The following LUZP2 variants were observed in gnomAD, a reference collection of about 807,000 sequenced individuals.
LUZP2 encodes the protein leucine zipper protein 2.
In LUZP2, 52 loss-of-function variants were observed where a neutral mutation model predicts 51.6. The observed-to-expected ratio is 1.01, with a 90% CI of 0.81 to 1.27. The LOEUF (loss-of-function observed/expected upper bound fraction) is 1.27. LUZP2 is among the 50% of genes most tolerant of loss of function. The pLI is 0.00. For missense variants in LUZP2, 436 were observed against 395.4 expected, an observed-to-expected ratio of 1.10 and a Z score of -0.87; for synonymous variants, 154 against 137.3, an observed-to-expected ratio of 1.12 and a Z score of -0.85.
rs1210559875 is a variant in LUZP2, at chr11:24,854,670, A to G, written c.397-51321A>G. ...ATTCCAGGCATCACTGGGATATGAA[A>G]AAAAAAAAAAAAAAAACTCCTGCAG... is the stretch of plus-strand genomic sequence containing the variant. On this transcript the variant is annotated intron_variant, in intron 5 of 11. Transcript: ENST00000336930. 9.1e-4 allele frequency among the ~76,000 whole-genome samples: 22 copies of G among 24,306 alleles called. No homozygotes were observed. In the South Asian group the frequency reaches 0.04, roughly 44 times the overall value. 15.9% of individuals were successfully genotyped at this position (24,306 alleles called of 152,430 possible). A position where few individuals can be genotyped will look rare whatever the true frequency, so the allele number is the denominator to read the frequency against.
chr11:24,819,168 T>G (rs1590587789), intron 5 of LUZP2, among the ~76,000 whole-genome samples: 1 of 151,976 alleles, frequency 6.6e-6, no homozygotes, highest in South Asian at 2.1e-4. Context: ...TAATGGGAAG[T>G]GAAAGAAAGT....
intron 1 of LUZP2, among the ~76,000 whole-genome samples, chr11:24,525,183 G>A (rs1478642426): frequency 6.6e-6 from 1 of 151,470 alleles, no homozygotes. Flanking sequence ...TGCTCAGTCT[G>A]AAACACTCAT....
intron 5 of LUZP2, chr11:24,890,860 C>CT (rs1230685268): frequency 1.1e-6 from 1 of 927,030 alleles, no homozygotes; most frequent in African/African-American, 1.9e-5. Context: ...AAATATAAAG[C>CT]ATTTTAGGGC....
At chr11:24,992,974 A>T (rs1856392975) in intron 9 of LUZP2, among the ~76,000 whole-genome samples, 1 of 152,178 alleles carries the variant, frequency 6.6e-6, no homozygotes, top group Non-Finnish European at 1.5e-5. Context: ...AAGATTCAAA[A>T]TATACAATTA....
chr11:24,957,784 A>C (rs1855252788), intron 7 of LUZP2, among the ~76,000 whole-genome samples: 1 of 152,108 alleles, frequency 6.6e-6, no homozygotes, highest in Non-Finnish European at 1.5e-5. Context: ...TTTAAGTTTT[A>C]GGGTACATGT....
intron 7 of LUZP2, among the ~76,000 whole-genome samples, chr11:24,961,786 C>G (rs1424411808): frequency 6.7e-6 from 1 of 150,100 alleles, no homozygotes; most frequent in Admixed American, 6.6e-5. Flanking sequence ...TTGATCCTGT[C>G]ATTATGATGT....
At position 24,922,005 on chromosome 11, in the gene LUZP2, G is replaced by T. The variant is rs549378419; in HGVS notation, c.522+7467G>T. ...ATTTGTGGCCACTAACATGTTACCTGTAAAGCATTTTTACTAGCAGAGTGA... is the reference window on the plus strand; with the variant it reads ...ATTTGTGGCCACTAACATGTTACCTTTAAAGCATTTTTACTAGCAGAGTGA... On this transcript the variant is annotated intron_variant, in intron 7 of 11. Transcript: ENST00000336930. Among the ~76,000 whole-genome samples, 18 of 152,082 alleles carry T rather than the reference G, an allele frequency of 1.2e-4. 1 individual carries two copies. The highest frequency in any genetic ancestry group is 1.8e-4 in the Non-Finnish European group (12 of 68,012).
intron 9 of LUZP2, among the ~76,000 whole-genome samples, chr11:25,027,820 A>G (rs1433729691): frequency 6.6e-6 from 1 of 151,166 alleles, no homozygotes; most frequent in Admixed American, 6.6e-5. Context: ...CAGTGAGCTG[A>G]GATCACGCCA....
At chr11:24,658,969 G>A (rs1217018377) in intron 1 of LUZP2, among the ~76,000 whole-genome samples, 5 of 152,160 alleles carry the variant, frequency 3.3e-5, no homozygotes, top group African/African-American at 1.2e-4. Flanking sequence ...TTATACTGTT[G>A]GTGGGACTGT....
intron 1 of LUZP2, among the ~76,000 whole-genome samples, chr11:24,634,160 G>T (rs903113180): frequency 2.6e-5 from 4 of 151,876 alleles, no homozygotes; most frequent in Non-Finnish European, 4.4e-5. Flanking sequence ...ATTTTTGTGA[G>T]AATTATATGA....
At chr11:24,592,836 T>G (rs1291401636) in intron 1 of LUZP2, among the ~76,000 whole-genome samples, 1 of 152,130 alleles carries the variant, frequency 6.6e-6, no homozygotes, top group South Asian at 2.1e-4. Context: ...ATCACAGGGA[T>G]AGGCAATGAA....
At chr11:24,646,914 A>C (rs2133955120) in intron 1 of LUZP2, among the ~76,000 whole-genome samples, 1 of 152,130 alleles carries the variant, frequency 6.6e-6, no homozygotes, top group Non-Finnish European at 1.5e-5. Context: ...GTTATAATAT[A>C]TAATTTATTG....
At chr11:25,030,126 C>T (rs369886143) in intron 9 of LUZP2, among the ~76,000 whole-genome samples, 16 of 152,176 alleles carry the variant, frequency 1.1e-4, no homozygotes, top group African/African-American at 3.6e-4. Flanking sequence ...TATTTGTGTG[C>T]ATTTTCTCCC....
chr11:24,762,541 T>C (rs1034623355), intron 4 of LUZP2, among the ~76,000 whole-genome samples: 2 of 152,200 alleles, frequency 1.3e-5, no homozygotes, highest in African/African-American at 4.8e-5. Flanking sequence ...TTTCATCCAC[T>C]GTCATAGTTA....
At chr11:24,721,365 C>G (rs538030542) in intron 1 of LUZP2, among the ~76,000 whole-genome samples, 1 of 152,158 alleles carries the variant, frequency 6.6e-6, no homozygotes, top group South Asian at 2.1e-4. Context: ...AGAATATTTA[C>G]TACAAAAATT....
intron 1 of LUZP2, among the ~76,000 whole-genome samples, chr11:24,582,496 C>T (rs150938088): frequency 2.0e-5 from 3 of 151,870 alleles, no homozygotes; most frequent in South Asian, 2.1e-4. Flanking sequence ...TTAGACTAAC[C>T]AAAATATCTT....
chr11:24,680,973 AT>A (rs67751061), intron 1 of LUZP2, among the ~76,000 whole-genome samples: 3,274 of 113,530 alleles, frequency 0.029, 66 homozygotes, highest in African/African-American at 0.084. Flanking sequence ...TTCTTTCTTT[AT>A]TTTTTTTTTT....
At chr11:24,895,102 A>G (rs1217771732) in intron 5 of LUZP2, among the ~76,000 whole-genome samples, 1 of 152,190 alleles carries the variant, frequency 6.6e-6, no homozygotes, top group East Asian at 1.9e-4. Flanking sequence ...TTTGTAATTT[A>G]TAAAACTCCA....
intron 5 of LUZP2, among the ~76,000 whole-genome samples, chr11:24,818,011 G>T (rs1489585979): frequency 6.6e-6 from 1 of 152,024 alleles, no homozygotes; most frequent in Non-Finnish European, 1.5e-5. Flanking sequence ...CAAGCATGGG[G>T]CATCTTGTAA....
Sources: gnomAD v4.1 joint callset for allele counts (sites outside exome capture counted in the v4.1 genomes callset) on GRCh38, gnomAD v4.1.1 for gene constraint, MANE v1.5 for transcripts, NCBI Gene and HGNC (gene_info 2026-07-23, HGNC 2026-07-21) for gene names.